Variants in HDGF observed in about 807,000 individuals in gnomAD.
HDGF encodes the protein hepatoma-derived growth factor.
A neutral mutation model predicts 30.0 loss-of-function variants in HDGF; 5 were observed. The observed-to-expected ratio is 0.17, with a 90% CI of 0.09 to 0.35. HDGF has a LOEUF of 0.35. HDGF is among the 10% of genes least tolerant of loss of function. The pLI is 1.00. For synonymous variants in HDGF, 133 were observed against 112.7 expected (o/e 1.18, Z -1.14); for missense variants, 214 against 302.8 (o/e 0.71, Z 2.18).
chr1:156,750,252 C>T (rs1650868640), intron 1 of HDGF, among the ~76,000 whole-genome samples: 3 of 152,176 alleles, frequency 2.0e-5, no homozygotes, highest in Non-Finnish European at 4.4e-5. Flanking sequence ...AGGAGTCCTA[C>T]ACTCTAGGAT....
At chr1:156,752,023 C>T (rs1247725227), upstream of HDGF, 1 of 1,550,380 alleles carries the variant, frequency 6.5e-7, no homozygotes, top group Non-Finnish European at 8.7e-7. Flanking sequence ...TCCCCCGACT[C>T]CGCGGAGCGC....
Position 156,743,351 on chromosome 1 carries a change from G to C in HDGF, c.*98C>G. On this transcript the variant is annotated 3_prime_UTR_variant, in exon 6 of 6. Coordinates refer to ENST00000357325, the MANE Select transcript of HDGF (RefSeq NM_004494.3). ...TAGAAGAGGAGAGCAGGTTGGGGTG[G>C]GAAAGGGGTTCCCAGTTTGCAGGCC... 2 of 1,285,476 alleles carry C rather than the reference G, an allele frequency of 1.6e-6. No individual in the cohort carries two copies. The highest frequency in any genetic ancestry group is 2.1e-6 in the Non-Finnish European group (2 of 931,070). 79.6% of individuals were successfully genotyped at this position (1,285,476 alleles called of 1,614,324 possible). A position where few individuals can be genotyped will look rare whatever the true frequency, so the allele number is the denominator to read the frequency against.
At chr1:156,747,823 T>C (rs917081589) in intron 1 of HDGF, among the ~76,000 whole-genome samples, 1 of 152,054 alleles carries the variant, frequency 6.6e-6, no homozygotes, top group Admixed American at 6.5e-5. Flanking sequence ...ATGAGGTTCT[T>C]TGCAGAAGCA....
In HDGF at chr1:156,765,312, C is replaced by T. The variant is rs533698609; in HGVS notation, n.136+1478G>A. ...TTCTCCATGTTGGTCAGGCTGGTCT[C>T]GAAGTCCCAATCTCAGGTGATCTGC... On this transcript the variant is annotated intron_variant and non_coding_transcript_variant, in intron 1 of 7. Coordinates refer to the HDGF transcript ENST00000465180. Among the ~76,000 whole-genome samples the T allele has an allele frequency of 2.8e-3, 427 of 150,678 alleles. 4 individuals are homozygous for T. Among genetic ancestry groups the T allele is most frequent in the African/African-American group, 9.9e-3 (404 of 40,946 alleles).
chr1:156,743,810 C>T lies in HDGF; in HGVS notation c.558G>A (p.Glu186=). The part of the protein sequence containing the change: ...EGEEKEAATL[E]VERPLPMEVE... ...CCTCCATAGGAAGGGGCCTCTCAAC[C>T]TCCAAGGTGGCTGCCTCCTTCTCCT... The change falls in exon 5 of 6, where the codon GAG becomes GAA. Residue 186 remains glutamate (E), a synonymous_variant. Coordinates refer to ENST00000357325, the MANE Select transcript of HDGF (RefSeq NM_004494.3). The T allele has an allele frequency of 6.2e-7, 1 of 1,611,310 alleles. No homozygotes were observed. The highest frequency in any genetic ancestry group is 8.5e-7 in the Non-Finnish European group (1 of 1,178,600).
intron 1 of HDGF, among the ~76,000 whole-genome samples, chr1:156,763,663 G>A (rs1209108066): frequency 6.7e-6 from 1 of 148,496 alleles, no homozygotes; most frequent in Non-Finnish European, 1.5e-5. Flanking sequence ...TTGGCTGACT[G>A]CAGCCTCTGC....
chr1:156,752,376 C>T (rs1289919415), upstream of HDGF: 2 of 1,550,932 alleles, frequency 1.3e-6, no homozygotes, highest in African/African-American at 2.7e-5. Context: ...GATCTCGTTT[C>T]TCTAAGCTAC....
upstream of HDGF, among the ~76,000 whole-genome samples, chr1:156,753,468 G>A (rs4471265): frequency 0.97 from 147,432 of 152,326 alleles, 71,513 homozygotes; most frequent in East Asian, 1. Context: ...TTAGGAGAGA[G>A]TCTTGTCACA....
intron 1 of HDGF, among the ~76,000 whole-genome samples, chr1:156,765,126 CTT>C (rs1651332048): frequency 7.1e-6 from 1 of 140,790 alleles, no homozygotes; most frequent in South Asian, 2.7e-4. Context: ...GAGTTTCACT[CTT>C]GTTGCCCAGG....
intron 3 of HDGF, among the ~76,000 whole-genome samples, 157 bp downstream of exon 3, chr1:156,744,851 C>T (rs1650415111): frequency 6.6e-6 from 1 of 152,132 alleles, no homozygotes; most frequent in Non-Finnish European, 1.5e-5. Flanking sequence ...AACCCTATCC[C>T]TTCTTGCAGG....
chr1:156,751,837 C>T, upstream of HDGF: 1 of 1,005,680 alleles, frequency 9.9e-7, no homozygotes, highest in Non-Finnish European at 1.3e-6. The surrounding 1 kb of genome is among the most constrained non-coding windows in gnomAD (Gnocchi z 4.7). Context: ...CTTCTTGACG[C>T]CCAGGGCCTG....
intron 3 of HDGF, chr1:156,744,583 G>GC: frequency 6.6e-7 from 1 of 1,508,226 alleles, no homozygotes; most frequent in Non-Finnish European, 8.8e-7. Flanking sequence ...GGAGCAGGAG[G>GC]CAAAACCTCG....
At chr1:156,750,040 A>T (rs982074120) in intron 1 of HDGF, among the ~76,000 whole-genome samples, 1 of 152,132 alleles carries the variant, frequency 6.6e-6, no homozygotes, top group Non-Finnish European at 1.5e-5. Flanking sequence ...TGAAAGTTTC[A>T]CGGAACCAGG....
intron 1 of HDGF, among the ~76,000 whole-genome samples, chr1:156,750,301 A>C (rs940456758): frequency 6.6e-6 from 1 of 152,136 alleles, no homozygotes; most frequent in Non-Finnish European, 1.5e-5. Context: ...AGGCCCCTCT[A>C]CACCAACTTT....
At chr1:156,762,670 A>G (rs1045995278) in intron 1 of HDGF, among the ~76,000 whole-genome samples, 5 of 152,162 alleles carry the variant, frequency 3.3e-5, no homozygotes, top group African/African-American at 9.7e-5. Flanking sequence ...CAGGAGTTCG[A>G]GACCAGCCTG....
rs553464376 is a variant in HDGF at position 156,745,139 on chromosome 1, G to A, written c.172C>T (p.Leu58=). The change falls in exon 3 of 6, where the codon CTG becomes TTG. Residue 58 remains leucine, a synonymous_variant. Coordinates refer to ENST00000357325, the MANE Select transcript of HDGF (RefSeq NM_004494.3). Reference sequence around the variant, plus strand: ...TAAGGGAAGAGGTCTTTGGGGCCCAGGAATGCCCTGGTGAGAGATGGGAGA... The same window carrying A: ...TAAGGGAAGAGGTCTTTGGGGCCCAAGAATGCCCTGGTGAGAGATGGGAGA... ...FFFGTHETAF[L]GPKDLFPYEE... The A allele has an allele frequency of 4.3e-6, 7 of 1,613,908 alleles. No homozygotes were observed. The highest frequency in any genetic ancestry group is 5.9e-6 in the Non-Finnish European group (7 of 1,180,012).
Position 156,751,590 on chromosome 1 carries a change from C to G in HDGF, c.-161G>C. On this transcript the variant is annotated 5_prime_UTR_variant, in exon 1 of 6. Coordinates refer to ENST00000357325, the MANE Select transcript of HDGF (RefSeq NM_004494.3). This position sits in a 1 kb window ranked among gnomAD's most constrained non-coding sequence, Gnocchi z 4.7. ...CTCCGGCGCGGCCACGGCGTCTCCG[C>G]CCGCGCGCCGCACGGACGGGGCGGG... 1 of 984,314 alleles carries G rather than the reference C, an allele frequency of 1.0e-6. No homozygotes were observed. Among genetic ancestry groups the G allele is most frequent in the African/African-American group, 1.8e-5 (1 of 56,964 alleles). The allele number at this position is 984,314 out of a possible 1,614,324, so 61.0% of individuals were successfully genotyped here.
At chr1:156,757,804 G>C (rs1340348947) in intron 2 of HDGF, among the ~76,000 whole-genome samples, 2 of 149,240 alleles carry the variant, frequency 1.3e-5, no homozygotes, top group African/African-American at 2.5e-5. Flanking sequence ...AAAAAAAAAA[G>C]TTCAATTTGA....
intron 1 of HDGF, among the ~76,000 whole-genome samples, chr1:156,749,928 A>C (rs750144276): frequency 7.9e-5 from 12 of 152,196 alleles, no homozygotes; most frequent in Admixed American, 4.6e-4. Context: ...CAGCTGGGTC[A>C]AAGGGTGCAG....
Sources: gnomAD v4.1 joint callset for allele counts (sites outside exome capture counted in the v4.1 genomes callset) on GRCh38, gnomAD v4.1.1 for gene constraint, Gnocchi (gnomAD v3.1) non-coding constraint, MANE v1.5 for transcripts, NCBI Gene and HGNC (gene_info 2026-07-23, HGNC 2026-07-21) for gene names.